The following RNF17 variants were observed in gnomAD, a reference collection of about 807,000 sequenced individuals.
RNF17 encodes the protein spermatogenesis associated 23.
RNF17 carries 31 observed loss-of-function variants against 200.5 expected under a neutral mutation model. The observed-to-expected ratio is 0.15, with a 90% confidence interval of 0.12 to 0.21. The LOEUF is 0.21. RNF17 is among the 10% of genes least tolerant of loss of function. The pLI is 1.00. For missense variants in RNF17, 1,628 were observed against 1,905.1 expected (o/e 0.85, Z 2.71); for synonymous variants, 606 against 637.8 (o/e 0.95, Z 0.75).
intron 22 of RNF17, among the ~76,000 whole-genome samples, chr13:24,848,308 A>AAT (rs1457051400): frequency 6.6e-6 from 1 of 152,128 alleles, no homozygotes. Flanking sequence ...AGGTTGATTA[A>AAT]ATATATATTA....
chr13:24,848,438 G>A (rs1891489550), intron 22 of RNF17, among the ~76,000 whole-genome samples: 1 of 152,186 alleles, frequency 6.6e-6, no homozygotes, highest in Non-Finnish European at 1.5e-5. Flanking sequence ...GAGGCAGGCA[G>A]ATCACTTGAG....
chr13:24,788,141 A>G lies in RNF17; in HGVS notation c.765A>G (p.Thr255=), dbSNP rs371649947. The part of the protein sequence containing the change: ...RALQLSPSLR[T]YCDLNQIIRT... ...TACAATTATCGCCTTCTCTAAGAAC[A>G]TACTGTGACCTGAATCAGGTAATTT... Residue 255 remains threonine (T), a synonymous_variant, in exon 7 of 36, where the codon ACA becomes ACG. Transcript: ENST00000255324. 4 of 1,586,660 alleles carry G rather than the reference A, an allele frequency of 2.5e-6. No homozygotes were observed. Among genetic ancestry groups the G allele is most frequent in the Non-Finnish European group, 2.6e-6 (3 of 1,172,654 alleles).
At chr13:24,883,289 T>G (rs1953916507), downstream of RNF17, 2 of 1,614,048 alleles carry the variant, frequency 1.2e-6, no homozygotes, top group Non-Finnish European at 1.7e-6. Context: ...AACAGTGCCA[T>G]CTGGGTATTC....
intron 15 of RNF17, among the ~76,000 whole-genome samples, chr13:24,816,832 C>T (rs181798614): frequency 2.3e-4 from 35 of 152,236 alleles, no homozygotes; most frequent in Admixed American, 2.0e-3. Flanking sequence ...CACTTGGCCA[C>T]AGGTCAGGCA....
chr13:24,842,447 C>T (rs1375153728), intron 19 of RNF17, among the ~76,000 whole-genome samples: 1 of 152,142 alleles, frequency 6.6e-6, no homozygotes, highest in African/African-American at 2.4e-5. Flanking sequence ...TTAGGAAGCC[C>T]CTTGTGCCTG....
At chr13:24,840,465 G>A (rs1423734645) in intron 18 of RNF17, among the ~76,000 whole-genome samples, 1 of 152,104 alleles carries the variant, frequency 6.6e-6, no homozygotes, top group Non-Finnish European at 1.5e-5. Context: ...CAAAATCGTG[G>A]AACCAACCCA....
chr13:24,769,863 A>G (rs139329493), intron 2 of RNF17, among the ~76,000 whole-genome samples: 370 of 152,224 alleles, frequency 2.4e-3, no homozygotes, highest in African/African-American at 7.8e-3. Flanking sequence ...CATTTATTTG[A>G]CAGTCTTTAT....
At chr13:24,848,773 GTTAAA>G (rs145356100) in intron 22 of RNF17, among the ~76,000 whole-genome samples, 3,069 of 152,192 alleles carry the variant, frequency 0.02, 108 homozygotes, top group African/African-American at 0.07. Flanking sequence ...TTTTTTAAAT[GTTAAA>G]TTAATATTTA....
Position 24,824,106 on chromosome 13 carries a change from AAAAATACCAC to A in RNF17, c.2092-1508_2092-1499del, listed in dbSNP as rs548016433. The A allele has an allele frequency of 2.3e-5, 16 of 697,904 alleles. No homozygotes were observed. The African/African-American group carries it at 2.7e-4, about 12-fold the overall frequency. The allele number at this position is 697,904 out of a possible 1,614,324, so 43.2% of individuals were successfully genotyped here. ...GGGAAGAGGGTAGGGTGAGGCAAGT[AAAAATACCAC>A]AAAACTTTCCTACCATTTAGAAAAT... On this transcript the variant is annotated intron_variant, in intron 15 of 35. Coordinates refer to ENST00000255324, the MANE Select transcript of RNF17 (RefSeq NM_031277.3).
chr13:24,803,796 C>A (rs1397602095), intron 14 of RNF17: 1 of 154,954 alleles, frequency 6.5e-6, no homozygotes, highest in Non-Finnish European at 1.4e-5. Context: ...AATCTAAGTA[C>A]GACATGAAAG....
At chr13:24,885,790 G>A in the RNF17 span, 23 of 742,984 alleles carry the variant, frequency 3.1e-5, no homozygotes, top group African/African-American at 3.6e-4. Context: ...ATTAGTTAAG[G>A]ATGTCTTAAT....
the RNF17 span, among the ~76,000 whole-genome samples, chr13:24,887,034 A>C: frequency 6.6e-6 from 1 of 152,170 alleles, no homozygotes; most frequent in African/African-American, 2.4e-5. Flanking sequence ...CTACAACAGG[A>C]AAACTGGGGA....
At chr13:24,815,291 T>C (rs188062587) in intron 15 of RNF17, among the ~76,000 whole-genome samples, 80 of 152,312 alleles carry the variant, frequency 5.3e-4, no homozygotes, top group Non-Finnish European at 1.0e-3. Context: ...TTCTTTTAGA[T>C]GTTGTTGTAA....
At chr13:24,862,487 C>T (rs534758928) in intron 27 of RNF17, among the ~76,000 whole-genome samples, 1 of 152,084 alleles carries the variant, frequency 6.6e-6, no homozygotes, top group Non-Finnish European at 1.5e-5. Flanking sequence ...TTTCTCACCT[C>T]TGGCTGAACA....
chr13:24,772,921 A>G (rs866994073), intron 2 of RNF17, among the ~76,000 whole-genome samples: 5 of 152,158 alleles, frequency 3.3e-5, no homozygotes, highest in Non-Finnish European at 5.9e-5. Flanking sequence ...GTGAACAGAC[A>G]CTTCTTAAAA....
At chr13:24,779,915 T>C (rs1173671847) in intron 5 of RNF17, among the ~76,000 whole-genome samples, 168 bp downstream of exon 5, 1 of 152,234 alleles carries the variant, frequency 6.6e-6, no homozygotes, top group Non-Finnish European at 1.5e-5. Flanking sequence ...AGATTGGTCT[T>C]GTAACATTGT....
Position 24,869,136 on chromosome 13 carries a change from T to TC in RNF17, c.4278+424dup, listed in dbSNP as rs1475972716. On this transcript the variant is annotated intron_variant, in intron 31 of 35. Coordinates refer to ENST00000255324, the MANE Select transcript of RNF17 (RefSeq NM_031277.3). ...TAGCTCCATGTTGTTCATTGAGGTA[T>TC]CCCCAGAACCTAGAATAGTGCCTGT... 3.9e-5 allele frequency among the ~76,000 whole-genome samples: 6 copies of TC among 152,278 alleles called. No individual in the cohort carries two copies. In the East Asian group the frequency reaches 1.2e-3, roughly 29 times the overall value.
intron 14 of RNF17, chr13:24,803,882 A>T (rs1273622828): frequency 6.0e-6 from 1 of 166,360 alleles, no homozygotes; most frequent in African/African-American, 2.4e-5. Context: ...AAGAAATGTT[A>T]GAAGAAAGAA....
At chr13:24,771,108 A>C (rs1341838908) in intron 2 of RNF17, among the ~76,000 whole-genome samples, 1 of 151,832 alleles carries the variant, frequency 6.6e-6, no homozygotes, top group Non-Finnish European at 1.5e-5. Flanking sequence ...GATCCTTTGG[A>C]TCTTTTCCTT....
Sources: gnomAD v4.1 joint callset for allele counts (sites outside exome capture counted in the v4.1 genomes callset) on GRCh38, gnomAD v4.1.1 for gene constraint, MANE v1.5 for transcripts, NCBI Gene and HGNC (gene_info 2026-07-23, HGNC 2026-07-21) for gene names.